TRA2A: variants seen among roughly 807,000 people sequenced by gnomAD.
The protein encoded by TRA2A is transformer 2 alpha homolog.
In TRA2A, 31 loss-of-function variants were observed where a neutral mutation model predicts 45.7. The ratio of observed to expected loss-of-function variants is 0.68; its 90% CI spans 0.51 to 0.92. The LOEUF is 0.92. TRA2A is among the 40% of genes least tolerant of loss of function. The pLI is 0.00. For synonymous variants in TRA2A, 132 were observed against 126.2 expected, an observed-to-expected ratio of 1.05 and a Z score of -0.31; for missense variants, 304 against 367.5, an observed-to-expected ratio of 0.83 and a Z score of 1.41.
intron 3 of TRA2A, among the ~76,000 whole-genome samples, chr7:23,513,705 TCAG>T (rs2127993981): frequency 6.6e-6 from 1 of 151,886 alleles, no homozygotes; most frequent in Non-Finnish European, 1.5e-5. Context: ...GGTACGCTTG[TCAG>T]CAGTTTTGTC....
chr7:23,525,313 C>CA (rs1423595081), intron 1 of TRA2A, among the ~76,000 whole-genome samples: 12 of 152,084 alleles, frequency 7.9e-5, no homozygotes, highest in Admixed American at 1.3e-4. Flanking sequence ...AAATTGCAAA[C>CA]AAAAAAGATT....
chr7:23,510,815 G>A (rs148156715), intron 4 of TRA2A, among the ~76,000 whole-genome samples: 34 of 151,898 alleles, frequency 2.2e-4, no homozygotes, highest in African/African-American at 7.2e-4. Context: ...TTGAGAAAAG[G>A]AATATATAAA....
intron 1 of TRA2A, 68 bp downstream of exon 1, chr7:23,531,721 G>A (rs1790593806): frequency 1.9e-6 from 3 of 1,585,174 alleles, no homozygotes; most frequent in South Asian, 1.1e-5. Context: ...CCGCCCGACC[G>A]CGCTTGTTCC....
chr7:23,525,501 A>C (rs1790305354), intron 1 of TRA2A, among the ~76,000 whole-genome samples: 1 of 152,236 alleles, frequency 6.6e-6, no homozygotes, highest in Non-Finnish European at 1.5e-5. Flanking sequence ...GAATTTTAAC[A>C]AAAGTCTTAA....
In TRA2A at chr7:23,522,120, C is replaced by T. The variant is rs946860241; in HGVS notation, c.37-280G>A. 15 of 1,266,728 alleles carry T rather than the reference C, an allele frequency of 1.2e-5. No homozygotes were observed. In the African/African-American group the frequency reaches 1.7e-4, roughly 14 times the overall value. The allele number at this position is 1,266,728 out of a possible 1,614,324, so 78.5% of individuals were successfully genotyped here. A position where few individuals can be genotyped will look rare whatever the true frequency, so the allele number is the denominator to read the frequency against. ...TACAGACACTGGAACATAAACCATA[C>T]ATTTACTTAACCTAGGACCCATTCA... On this transcript the variant is annotated intron_variant, in intron 1 of 7. Coordinates refer to ENST00000297071, the MANE Select transcript of TRA2A (RefSeq NM_013293.5).
At chr7:23,511,395 AAAAAAAAAAAAAAAAGAAAAG>A (rs1789605900) in intron 4 of TRA2A, among the ~76,000 whole-genome samples, 3 of 32,340 alleles carry the variant, frequency 9.3e-5, no homozygotes, top group African/African-American at 2.9e-4. Flanking sequence ...AAAAAAAAAA[AAAAAAAAAAAAAAAAGAAAAG>A]AAAAGAAAAG....
intron 1 of TRA2A, chr7:23,522,206 T>A: frequency 1.8e-6 from 2 of 1,129,470 alleles, no homozygotes; most frequent in Non-Finnish European, 2.2e-6. Context: ...CATTCTTCAT[T>A]GAGTTTTTCA....
intron 4 of TRA2A, among the ~76,000 whole-genome samples, chr7:23,511,368 C>A (rs2127992581): frequency 5.6e-5 from 3 of 53,972 alleles, no homozygotes; most frequent in Non-Finnish European, 6.4e-5. Flanking sequence ...GAGACTCCAT[C>A]TCAAAAAAAA....
Position 23,516,377 on chromosome 7 carries a change from G to A in TRA2A, c.322C>T (p.His108Tyr). The change falls in exon 3 of 8, where the codon CAT becomes TAT. Residue 108 changes from histidine to tyrosine, a missense_variant. By Grantham distance (83) the His-to-Tyr change is moderately conservative. Around this residue, in one of 3 missense-constraint regions of TRA2A, gnomAD observed 130 missense variants for 217.1 expected, o/e 0.60. Coordinates refer to ENST00000297071, the MANE Select transcript of TRA2A (RefSeq NM_013293.5). Reference protein sequence around the residue: ...SHSPMSNRRRHTGSRANPDPN... With the variant: ...SHSPMSNRRRYTGSRANPDPN... ...AAACCACGTACCCTGCTGCCAGTAT[G>A]TCTTCTCCGGTTAGACATTGGAGAA... 1 of 1,614,180 alleles carries A rather than the reference G, an allele frequency of 6.2e-7. No homozygotes were observed. Among genetic ancestry groups the A allele is most frequent in the African/African-American group, 1.3e-5 (1 of 75,050 alleles).
chr7:23,505,668 C>T, intron 7 of TRA2A, 78 bp downstream of exon 7: 2 of 921,482 alleles, frequency 2.2e-6, no homozygotes, highest in South Asian at 1.6e-5. Flanking sequence ...CCACCTTCCA[C>T]CTTATACTCT....
At chr7:23,506,112 A>G in intron 6 of TRA2A, 26 bp downstream of exon 6, 1 of 1,584,272 alleles carries the variant, frequency 6.3e-7, no homozygotes, top group South Asian at 1.1e-5. Context: ...CTAATTTAGA[A>G]CAGAAAGCTC....
chr7:23,507,581 G>C (rs367709076), intron 4 of TRA2A, 46 bp from the exon 5 acceptor site: 5 of 1,310,922 alleles, frequency 3.8e-6, no homozygotes, highest in South Asian at 1.2e-5. Context: ...CACCAGTCTT[G>C]AAGTAATCAT....
chr7:23,513,167 C>T (rs946222179), intron 3 of TRA2A, 85 bp from the exon 4 acceptor site: 39 of 864,166 alleles, frequency 4.5e-5, no homozygotes, highest in Middle Eastern at 5.7e-4. Context: ...AACACCTCAT[C>T]TAATACACAA....
chr7:23,531,522 G>A (rs1287906220), intron 1 of TRA2A: 2 of 567,842 alleles, frequency 3.5e-6, no homozygotes, highest in African/African-American at 1.9e-5. Flanking sequence ...TGGGGAGAAG[G>A]GAGGAAGCAA....
In TRA2A at chr7:23,521,835, A is replaced by C; in HGVS notation, c.42T>G (p.Ser14=). ...CCGTTGGAGATTTTGACTGAGAGCG[A>C]GACTCCTAACAAAGAAGACAGTATT... is the stretch of plus-strand genomic sequence containing the variant. ...VEENNFEGRE[S]RSQSKSPTGT... The change falls in exon 2 of 8, where the codon TCT becomes TCG. Residue 14 remains serine (S), a synonymous_variant. Transcript: ENST00000297071. 6.2e-7 allele frequency: 1 copy of C among 1,614,156 alleles called. No homozygotes were observed. The highest frequency in any genetic ancestry group is 1.1e-5 in the South Asian group (1 of 91,084).
intron 4 of TRA2A, among the ~76,000 whole-genome samples, chr7:23,512,625 ATTGT>A (rs755294941): frequency 6.6e-6 from 1 of 151,958 alleles, no homozygotes; most frequent in African/African-American, 2.4e-5. Flanking sequence ...CGCCTGGCTA[ATTGT>A]TTGTATTTTT....
chr7:23,527,661 G>C (rs1790393651), intron 1 of TRA2A, among the ~76,000 whole-genome samples: 1 of 152,190 alleles, frequency 6.6e-6, no homozygotes. Context: ...CACAGACAAA[G>C]TGTTTTCCAA....
In TRA2A at chr7:23,505,274, C is replaced by T. The variant is rs1407234436; in HGVS notation, c.*285G>A. ...CTTATTTGATTAGCTAGAAGTTTATCTAGGTAAAAGCAAAAAAAAAAATTT... is the reference window on the plus strand; with the variant it reads ...CTTATTTGATTAGCTAGAAGTTTATTTAGGTAAAAGCAAAAAAAAAAATTT... On this transcript the variant is annotated 3_prime_UTR_variant, in exon 8 of 8. Coordinates refer to ENST00000297071, the MANE Select transcript of TRA2A (RefSeq NM_013293.5). 2 of 339,416 alleles carry T rather than the reference C, an allele frequency of 5.9e-6. No homozygotes were observed. Among genetic ancestry groups the T allele is most frequent in the Non-Finnish European group, 1.0e-5 (2 of 190,784 alleles). 21.0% of individuals were successfully genotyped at this position (339,416 alleles called of 1,614,324 possible).
chr7:23,509,340 T>C (rs1484791345), intron 4 of TRA2A, among the ~76,000 whole-genome samples: 2 of 152,162 alleles, frequency 1.3e-5, no homozygotes, highest in East Asian at 3.8e-4. Context: ...CTTATATTAT[T>C]ATCTTCACCA....
Sources: gnomAD v4.1 joint callset for allele counts (sites outside exome capture counted in the v4.1 genomes callset) on GRCh38, gnomAD v4.1.1 for gene constraint, gnomAD v4.1.1 regional missense constraint, MANE v1.5 for transcripts, NCBI Gene and HGNC (gene_info 2026-07-23, HGNC 2026-07-21) for gene names.